The following PHF10 variants were observed in gnomAD, a reference collection of about 807,000 sequenced individuals.
PHF10 encodes the protein BRG1-associated factor 45a.
A neutral mutation model predicts 68.5 loss-of-function variants in PHF10; 51 were observed. The ratio of observed to expected loss-of-function variants is 0.74; its 90% CI spans 0.59 to 0.94. The LOEUF (loss-of-function observed/expected upper bound fraction) is 0.94, where lower values mean the gene tolerates loss of function less well. Among genes scored for constraint, PHF10 ranks in the 40% least tolerant of loss-of-function variants. The probability of loss-of-function intolerance (pLI) is 0.00; values close to 1 mark genes in which losing one functional copy is unlikely to be tolerated. For missense variants in PHF10, 460 were observed against 602.6 expected (o/e 0.76, Z 2.48); for synonymous variants, 204 against 203.5 (o/e 1.00, Z -0.02).
intron 1 of PHF10, among the ~76,000 whole-genome samples, chr6:169,723,304 C>A (rs1277099619): frequency 6.6e-6 from 1 of 152,204 alleles, no homozygotes; most frequent in Non-Finnish European, 1.5e-5. Flanking sequence ...GCACCAATTT[C>A]TTTTCACCTC....
At chr6:169,705,392 G>A (rs1788746717) in intron 10 of PHF10, 71 bp from the exon 11 acceptor site, 1 of 1,073,008 alleles carries the variant, frequency 9.3e-7, no homozygotes, top group Non-Finnish European at 1.4e-6. Context: ...TAAAATACTA[G>A]TTTGCTTTAG....
In PHF10 at chr6:169,723,807, A is replaced by ACGGGGTCAGGGTCGGGT. The variant is rs1295390526; in HGVS notation, c.87+21_87+37dup. ...CCACGCCCCGGCACCCAGGCCCGGGACGGGGTCAGGGTCGGGTCGCACCGG... is the reference window on the plus strand; with the variant it reads ...CCACGCCCCGGCACCCAGGCCCGGGACGGGGTCAGGGTCGGGTCGGGGTCAGGGTCGGGTCGCACCGG... On this transcript the variant is annotated intron_variant, in intron 1 of 11. Coordinates refer to ENST00000339209, the MANE Select transcript of PHF10 (RefSeq NM_018288.4). The ACGGGGTCAGGGTCGGGT allele has an allele frequency of 8.6e-6, 6 of 698,334 alleles. No individual in the cohort carries two copies. The South Asian group carries it at 4.0e-4, about 46-fold the overall frequency. The allele number at this position is 698,334 out of a possible 1,614,324, so 43.3% of individuals were successfully genotyped here.
At chr6:169,711,217 T>C (rs1788920559) in intron 8 of PHF10, among the ~76,000 whole-genome samples, 1 of 152,156 alleles carries the variant, frequency 6.6e-6, no homozygotes, top group Non-Finnish European at 1.5e-5. Flanking sequence ...CAAAACTGGA[T>C]TACACTGTGT....
rs988036318 is a variant in PHF10, at chr6:169,715,575, A to G, written c.693+133T>C. 3 of 849,614 alleles carry G rather than the reference A, an allele frequency of 3.5e-6. No homozygotes were observed. In the Admixed American group the frequency reaches 6.7e-5, roughly 19 times the overall value. The allele number at this position is 849,614 out of a possible 1,614,324, so 52.6% of individuals were successfully genotyped here. On this transcript the variant is annotated intron_variant, in intron 6 of 11. Coordinates refer to ENST00000339209, the MANE Select transcript of PHF10 (RefSeq NM_018288.4). ...CAGACTCTGCCACAAAAAACAAAAC[A>G]AAACAAACAAACAAACAAAAAAAAC... is the stretch of plus-strand genomic sequence containing the variant.
chr6:169,712,590 C>T, intron 7 of PHF10, 51 bp from the exon 8 acceptor site: 1 of 1,501,210 alleles, frequency 6.7e-7, no homozygotes, highest in Non-Finnish European at 9.1e-7. Flanking sequence ...TAAATATAAA[C>T]AGACTCATCT....
chr6:169,720,116 C>A (rs1789142127), intron 2 of PHF10, among the ~76,000 whole-genome samples: 1 of 152,070 alleles, frequency 6.6e-6, no homozygotes, highest in Non-Finnish European at 1.5e-5. Context: ...AATAAAATAT[C>A]ACTCCACACC....
At chr6:169,715,434 G>A (rs751791341) in intron 6 of PHF10, among the ~76,000 whole-genome samples, 3 of 152,134 alleles carry the variant, frequency 2.0e-5, no homozygotes, top group Admixed American at 6.5e-5. Flanking sequence ...GGGTGTGGTG[G>A]CAGGCGCCTG....
At chr6:169,706,347 T>C (rs1182163739) in intron 9 of PHF10, among the ~76,000 whole-genome samples, 1 of 152,134 alleles carries the variant, frequency 6.6e-6, no homozygotes, top group Non-Finnish European at 1.5e-5. Flanking sequence ...TAAAAGAATC[T>C]ATACTTAGAA....
chr6:169,714,969 T>C (rs1789012319), intron 6 of PHF10, 127 bp from the exon 7 acceptor site: 2 of 647,258 alleles, frequency 3.1e-6, no homozygotes, highest in African/African-American at 1.8e-5. Context: ...TTAGGAGATA[T>C]CAGGAGCTAT....
intron 1 of PHF10, 77 bp downstream of exon 1, chr6:169,723,768 C>T (rs1005470375): frequency 4.7e-4 from 196 of 417,696 alleles, no homozygotes; most frequent in Non-Finnish European, 5.9e-4. Context: ...GGGCGGCCGC[C>T]GGTGGGACTG....
chr6:169,711,148 A>G (rs1788919012), intron 8 of PHF10, among the ~76,000 whole-genome samples: 1 of 152,154 alleles, frequency 6.6e-6, no homozygotes, highest in South Asian at 2.1e-4. Flanking sequence ...TTATATACAT[A>G]AAGATACCGA....
At position 169,723,957 on chromosome 6, in the gene PHF10, CGCCGCCGTCGCCTCCGCCTTGTCCCG is replaced by C. The variant is rs1029005511; in HGVS notation, c.-52_-27del. On this transcript the variant is annotated 5_prime_UTR_variant, in exon 1 of 12. Coordinates refer to ENST00000339209, the MANE Select transcript of PHF10 (RefSeq NM_018288.4). ...CAGCCCGAGCGCCCCGCGCCGCCGC[CGCCGCCGTCGCCTCCGCCTTGTCCCG>C]GCCGCCGCCGCCGCTGCCGCCGCCG... The C allele has an allele frequency of 5.3e-6, 4 of 756,670 alleles. No individual in the cohort carries two copies. Among genetic ancestry groups the C allele is most frequent in the Non-Finnish European group, 6.4e-6 (4 of 623,160 alleles). 46.9% of individuals were successfully genotyped at this position (756,670 alleles called of 1,614,324 possible).
At chr6:169,722,586 G>A (rs1344831263) in intron 1 of PHF10, among the ~76,000 whole-genome samples, 2 of 152,136 alleles carry the variant, frequency 1.3e-5, no homozygotes, top group Non-Finnish European at 2.9e-5. Flanking sequence ...CAAATTCTAG[G>A]CAAAGGCATT....
intron 9 of PHF10, chr6:169,708,375 CA>C (rs1788854471): frequency 6.6e-6 from 1 of 152,096 alleles, no homozygotes; most frequent in Non-Finnish European, 1.5e-5. Flanking sequence ...TCTTATTAAG[CA>C]AAGCATCAGA....
intron 3 of PHF10, 55 bp from the exon 4 acceptor site, chr6:169,717,961 A>C (rs1409613322): frequency 9.3e-6 from 7 of 750,890 alleles, no homozygotes; most frequent in African/African-American, 8.9e-5. Context: ...ATGCACTTGT[A>C]AAACTTTTAA....
intron 4 of PHF10, among the ~76,000 whole-genome samples, chr6:169,716,435 T>TA (rs910838839): frequency 6.0e-5 from 9 of 150,784 alleles, no homozygotes; most frequent in Admixed American, 2.7e-4. Flanking sequence ...ACTAGATGAA[T>TA]AAAAAAAAAT....
In PHF10 at chr6:169,723,839, C is replaced by T; in HGVS notation, c.87+6G>A. 9.6e-7 allele frequency: 1 copy of T among 1,040,772 alleles called. No homozygotes were observed. The highest frequency in any genetic ancestry group is 1.7e-5 in the African/African-American group (1 of 59,026). 64.5% of individuals were successfully genotyped at this position (1,040,772 alleles called of 1,614,324 possible). A position where few individuals can be genotyped will look rare whatever the true frequency, so the allele number is the denominator to read the frequency against. On this transcript the variant is annotated splice_donor_region_variant and intron_variant, in intron 1 of 11. Coordinates refer to ENST00000339209, the MANE Select transcript of PHF10 (RefSeq NM_018288.4). Reference sequence around the variant, plus strand: ...CAGGGTCGGGTCGCACCGGCCGCTTCCTCACCTTCGGGGACTGCGCTCCGG... The same window carrying T: ...CAGGGTCGGGTCGCACCGGCCGCTTTCTCACCTTCGGGGACTGCGCTCCGG...
intron 11 of PHF10, 46 bp downstream of exon 11, chr6:169,705,087 A>G: frequency 7.0e-7 from 1 of 1,423,904 alleles, no homozygotes; most frequent in Non-Finnish European, 9.6e-7. Flanking sequence ...GTGCTGGGAG[A>G]GTCTCATCAC....
intron 2 of PHF10, 40 bp downstream of exon 2, chr6:169,720,965 A>T (rs983139068): frequency 7.5e-6 from 8 of 1,060,492 alleles, no homozygotes; most frequent in Non-Finnish European, 1.1e-5. Flanking sequence ...GCAAAGAGGA[A>T]CATCACAAAA....
Sources: gnomAD v4.1 joint callset for allele counts (sites outside exome capture counted in the v4.1 genomes callset) on GRCh38, gnomAD v4.1.1 for gene constraint, MANE v1.5 for transcripts, NCBI Gene and HGNC (gene_info 2026-07-23, HGNC 2026-07-21) for gene names.